NFATC2: variants seen among roughly 807,000 people sequenced by gnomAD.
NFATC2 encodes the protein nuclear factor of activated T cells 2.
Under a neutral mutation model 87.3 loss-of-function variants are expected in NFATC2, and 22 were observed. The ratio of observed to expected loss-of-function variants is 0.25; its 90% confidence interval spans 0.18 to 0.36. NFATC2 has a LOEUF of 0.36. Ranked by LOEUF, NFATC2 falls within the 10% of genes least tolerant of loss-of-function variation. NFATC2 has a pLI of 1.00. For missense variants in NFATC2, 1,149 were observed against 1,259.1 expected, an observed-to-expected ratio of 0.91 and a Z score of 1.32; for synonymous variants, 565 against 542.2, an observed-to-expected ratio of 1.04 and a Z score of -0.58.
intron 5 of NFATC2, among the ~76,000 whole-genome samples, chr20:51,455,904 G>GTGGGTGGGTGGGTGGA: frequency 1.3e-4 from 1 of 7,582 alleles, no homozygotes; most frequent in South Asian, 4.0e-3. Context: ...GGGTGGGTGG[G>GTGGGTGGGTGGGTGGA]TGGGTGGGTG....
intron 5 of NFATC2, among the ~76,000 whole-genome samples, chr20:51,459,774 G>C (rs536062708): frequency 6.6e-6 from 1 of 152,256 alleles, no homozygotes; most frequent in African/African-American, 2.4e-5. Flanking sequence ...GGCTACTTGG[G>C]TGGCTGAGGT....
At chr20:51,561,367 A>G (rs2077021062) in intron 1 of NFATC2, among the ~76,000 whole-genome samples, 1 of 150,844 alleles carries the variant, frequency 6.6e-6, no homozygotes, top group Non-Finnish European at 1.5e-5. Context: ...GAAAAGAAAG[A>G]AAGAGAGAGA....
chr20:51,543,621 C>T (rs767282877), upstream of NFATC2, among the ~76,000 whole-genome samples: 1 of 152,176 alleles, frequency 6.6e-6, no homozygotes, highest in Non-Finnish European at 1.5e-5. Context: ...GTGACAAACA[C>T]GCCTGGCTGC....
chr20:51,397,043 CA>C (rs1336216151), intron 10 of NFATC2, among the ~76,000 whole-genome samples: 1 of 34,534 alleles, frequency 2.9e-5, no homozygotes, highest in Non-Finnish European at 4.7e-5. Context: ...GGGAACCTGC[CA>C]CCATGGCCCG....
At chr20:51,433,162 T>C (rs1222497634) in intron 8 of NFATC2, among the ~76,000 whole-genome samples, 6 of 152,158 alleles carry the variant, frequency 3.9e-5, no homozygotes, top group Non-Finnish European at 5.9e-5. Flanking sequence ...AGAAATGTCA[T>C]AGATGCTTTA....
chr20:51,459,676 G>A (rs771481563), intron 5 of NFATC2, among the ~76,000 whole-genome samples: 4 of 152,104 alleles, frequency 2.6e-5, no homozygotes, highest in African/African-American at 7.2e-5. Flanking sequence ...TCAGAAGTTC[G>A]AGACCAGCCT....
intron 1 of NFATC2, among the ~76,000 whole-genome samples, chr20:51,547,812 C>A (rs999420337): frequency 2.6e-5 from 4 of 152,174 alleles, no homozygotes; most frequent in Non-Finnish European, 5.9e-5. Context: ...CAAAAGCAGG[C>A]AGTTGCACCA....
intron 6 of NFATC2, among the ~76,000 whole-genome samples, chr20:51,443,425 A>G (rs1433290272): frequency 6.6e-6 from 1 of 152,218 alleles, no homozygotes; most frequent in Non-Finnish European, 1.5e-5. Context: ...CCCTACAGCC[A>G]GGGTCCAGGA....
rs528368624 is a variant in NFATC2, at chr20:51,524,272, C to T, written c.131-162G>A. 6.6e-6 allele frequency among the ~76,000 whole-genome samples: 1 copy of T among 152,094 alleles called. No homozygotes were observed. Among genetic ancestry groups the T allele is most frequent in the East Asian group, 1.9e-4 (1 of 5,154 alleles). On this transcript the variant is annotated intron_variant, in intron 1 of 10. Coordinates refer to ENST00000371564, the MANE Select transcript of NFATC2 (RefSeq NM_012340.5). The surrounding 1 kb of genome is among the most constrained non-coding windows in gnomAD (Gnocchi z 4.0). ...AGCTCCGTCCCTCACCAGAAGAAAA[C>T]TGAGGCCACTTTGTCCCAGGTCCCT...
At chr20:51,562,825 C>T (rs2077044679), upstream of NFATC2, 1 of 535,758 alleles carries the variant, frequency 1.9e-6, no homozygotes, top group Non-Finnish European at 3.3e-6. The surrounding 1 kb of genome is among the most constrained non-coding windows in gnomAD (Gnocchi z 5.8). Flanking sequence ...ATCCGGCTTA[C>T]TCCAGAGGCA....
chr20:51,506,758 C>T (rs919092374), intron 3 of NFATC2, among the ~76,000 whole-genome samples: 3 of 152,038 alleles, frequency 2.0e-5, no homozygotes, highest in African/African-American at 4.8e-5. Context: ...CGGGGGCCTG[C>T]GAAGTGGTCC....
intron 6 of NFATC2, 88 bp downstream of exon 6, chr20:51,454,460 C>T: frequency 6.8e-7 from 1 of 1,468,454 alleles, no homozygotes; most frequent in East Asian, 2.3e-5. Flanking sequence ...TGGGATCTAC[C>T]CCCCAAAACC....
chr20:51,413,527 C>A (rs1397639967), intron 9 of NFATC2, among the ~76,000 whole-genome samples: 1 of 152,040 alleles, frequency 6.6e-6, no homozygotes, highest in Non-Finnish European at 1.5e-5. Flanking sequence ...GGAGGCTGAG[C>A]TGGGAGGACT....
Position 51,432,130 on chromosome 20 carries a change from C to T in NFATC2, c.2659G>A (p.Val887Ile), listed in dbSNP as rs1171299499. The change falls in exon 9 of 11, where the codon GTA (valine) becomes ATA (isoleucine). Residue 887 changes from valine to isoleucine, a missense_variant. Val to Ile is a conservative substitution (Grantham distance 29, BLOSUM62 3). Coordinates refer to ENST00000371564, the MANE Select transcript of NFATC2 (RefSeq NM_012340.5). This position sits in a 1 kb window ranked among gnomAD's most constrained non-coding sequence, Gnocchi z 4.6. ...TTAATGGTCACCCCCGCAGGTAATA[C>T]TTCCTTTTGGTCACTGACCGGGGGT... Reference protein sequence around the residue: ...NGPPVSDQKEVLPAGVTIKQE... With the variant: ...NGPPVSDQKEILPAGVTIKQE... 2 of 1,580,176 alleles carry T rather than the reference C, an allele frequency of 1.3e-6. No individual in the cohort carries two copies. Among genetic ancestry groups the T allele is most frequent in the Admixed American group, 3.5e-5 (2 of 57,630 alleles).
intron 6 of NFATC2, among the ~76,000 whole-genome samples, chr20:51,453,339 C>T (rs551137412): frequency 6.6e-6 from 1 of 152,300 alleles, no homozygotes; most frequent in South Asian, 2.1e-4. Context: ...TGAATGGCAG[C>T]CCTCAGAGGA....
intron 3 of NFATC2, among the ~76,000 whole-genome samples, chr20:51,512,128 C>A (rs1304668560): frequency 1.3e-5 from 2 of 152,224 alleles, no homozygotes; most frequent in African/African-American, 4.8e-5. Context: ...TGTCTCTTTG[C>A]TGGTTCTATG....
chr20:51,401,780 A>G (rs561928524), intron 9 of NFATC2, among the ~76,000 whole-genome samples: 16 of 152,148 alleles, frequency 1.1e-4, no homozygotes, highest in Non-Finnish European at 2.1e-4. Context: ...CTAGGTGATA[A>G]TTTAAGATGT....
At chr20:51,534,909 A>G (rs1398029207) in intron 1 of NFATC2, among the ~76,000 whole-genome samples, 2 of 152,154 alleles carry the variant, frequency 1.3e-5, no homozygotes, top group African/African-American at 4.8e-5. Context: ...AGAATGTCTG[A>G]GCTTCACCCA....
At chr20:51,457,766 G>A (rs1327274502) in intron 5 of NFATC2, among the ~76,000 whole-genome samples, 3 of 151,950 alleles carry the variant, frequency 2.0e-5, no homozygotes, top group African/African-American at 4.8e-5. Flanking sequence ...CAGGTCTGCA[G>A]TTTTACAAGG....
Sources: allele counts gnomAD v4.1 joint callset (sites outside exome capture counted in the v4.1 genomes callset), GRCh38; gene constraint gnomAD v4.1.1; non-coding constraint Gnocchi (gnomAD v3.1); transcripts MANE v1.5; gene names NCBI Gene and HGNC (gene_info 2026-07-23, HGNC 2026-07-21).